The following OPCML variants were observed in gnomAD, a reference collection of about 807,000 sequenced individuals.
OPCML encodes the protein opioid binding protein/cell adhesion molecule like.
OPCML carries 13 observed loss-of-function variants against 37.8 expected under a neutral mutation model. The ratio of observed to expected loss-of-function variants is 0.34; its 90% CI spans 0.22 to 0.55. The LOEUF is 0.55. OPCML is among the 20% of genes least tolerant of loss of function. The probability of loss-of-function intolerance (pLI) is 0.91; values close to 1 mark genes in which losing one functional copy is unlikely to be tolerated. For synonymous variants in OPCML, 176 were observed against 168.8 expected (o/e 1.04, Z -0.33); for missense variants, 341 against 435.6 (o/e 0.78, Z 1.93).
intron 1 of OPCML, among the ~76,000 whole-genome samples, chr11:133,019,131 C>A (rs1195345007): frequency 6.6e-6 from 1 of 152,184 alleles, no homozygotes; most frequent in African/African-American, 2.4e-5. Context: ...GGACACATGA[C>A]ACCTGGCCTG....
chr11:132,523,982 G>A (rs930558400), intron 4 of OPCML, among the ~76,000 whole-genome samples: 4 of 152,310 alleles, frequency 2.6e-5, no homozygotes, highest in African/African-American at 9.6e-5. Flanking sequence ...GTGGAGGGGA[G>A]ACAGGAAGGA....
chr11:132,864,979 T>C (rs1298252618), intron 2 of OPCML, among the ~76,000 whole-genome samples: 1 of 152,234 alleles, frequency 6.6e-6, no homozygotes, highest in African/African-American at 2.4e-5. Context: ...AGCGAGCCCC[T>C]GGCTGCCACA....
In OPCML at chr11:132,425,101, T is replaced by C. The variant is rs561596140; in HGVS notation, c.917-4808A>G. ...CGGGCCCCAAGCCAACCTTGGGAAA[T>C]GTTGAAGTCGTTCATTCAACATATG... On this transcript the variant is annotated intron_variant, in intron 7 of 7. Coordinates refer to ENST00000524381, the MANE Select transcript of OPCML (RefSeq NM_001012393.5). 2.6e-5 allele frequency among the ~76,000 whole-genome samples: 4 copies of C among 152,310 alleles called. No homozygotes were observed. The South Asian group carries it at 8.3e-4, about 32-fold the overall frequency.
intron 1 of OPCML, among the ~76,000 whole-genome samples, chr11:133,097,513 A>G (rs1949021194): frequency 6.6e-6 from 1 of 152,198 alleles, no homozygotes; most frequent in South Asian, 2.1e-4. Context: ...AATAAATAGT[A>G]CAATTAGAAC....
At chr11:132,793,565 A>C (rs1938085341) in intron 2 of OPCML, among the ~76,000 whole-genome samples, 1 of 152,136 alleles carries the variant, frequency 6.6e-6, no homozygotes, top group Non-Finnish European at 1.5e-5. Flanking sequence ...GGCCAGAGAG[A>C]TACAATCCCT....
rs189461304 is a variant in OPCML at position 132,711,920 on chromosome 11, G to A, written c.147-54601C>T. The stretch of plus-strand genomic sequence containing the variant: ...TGGTATACACAAGGATTAACTTAAG[G>A]AGCAAATATTCAACTAAATAGAAAC... On this transcript the variant is annotated intron_variant, in intron 2 of 7. Transcript: ENST00000524381. Among the ~76,000 whole-genome samples, 89 of 152,226 alleles carry A rather than the reference G, an allele frequency of 5.8e-4. 3 individuals carry two copies. Among genetic ancestry groups the A allele is most frequent in the Admixed American group, 5.8e-3 (89 of 15,290 alleles).
intron 1 of OPCML, among the ~76,000 whole-genome samples, chr11:133,001,269 C>T (rs1286539677): frequency 6.6e-6 from 1 of 152,180 alleles, no homozygotes; most frequent in Non-Finnish European, 1.5e-5. Context: ...CACATGCCTA[C>T]ATGCATAGGT....
At chr11:132,886,344 T>C (rs1591755547) in intron 2 of OPCML, among the ~76,000 whole-genome samples, 1 of 152,188 alleles carries the variant, frequency 6.6e-6, no homozygotes, top group South Asian at 2.1e-4. Context: ...GAATTTGGCC[T>C]GGGTGGGGGC....
chr11:132,750,455 A>G (rs904586865), intron 2 of OPCML, among the ~76,000 whole-genome samples: 3 of 152,144 alleles, frequency 2.0e-5, no homozygotes, highest in Non-Finnish European at 4.4e-5. Context: ...GTGGCTGTCC[A>G]TTCCAAATAA....
rs182400376 is a variant in OPCML, at chr11:133,009,903, A to G, written c.62-66893T>C. Among the ~76,000 whole-genome samples the G allele has an allele frequency of 9.2e-5, 14 of 152,306 alleles. No individual in the cohort carries two copies. The East Asian group carries it at 2.3e-3, about 25-fold the overall frequency. ...GAGGTTGGGGACCCCTGGGATATCTACTGTCTTCAGTTCTAGATGCCATTA... is the reference window on the plus strand; with the variant it reads ...GAGGTTGGGGACCCCTGGGATATCTGCTGTCTTCAGTTCTAGATGCCATTA... On this transcript the variant is annotated intron_variant, in intron 1 of 7. Transcript: ENST00000524381.
chr11:133,088,347 A>G (rs893680128), intron 1 of OPCML, among the ~76,000 whole-genome samples: 3 of 152,214 alleles, frequency 2.0e-5, no homozygotes, highest in Admixed American at 6.5e-5. Flanking sequence ...CATCATTTCC[A>G]TAAGCCACCA....
intron 1 of OPCML, among the ~76,000 whole-genome samples, chr11:133,236,117 T>C (rs373307700): frequency 7.9e-4 from 120 of 152,254 alleles, no homozygotes; most frequent in African/African-American, 2.4e-3. Context: ...ATGATGACCA[T>C]ATGACAGCAT....
chr11:133,198,759 T>G (rs1468707372), intron 1 of OPCML, among the ~76,000 whole-genome samples: 1 of 152,222 alleles, frequency 6.6e-6, no homozygotes, highest in Non-Finnish European at 1.5e-5. Flanking sequence ...CTGTGTCAGG[T>G]AGCAGACATG....
intron 7 of OPCML, among the ~76,000 whole-genome samples, chr11:132,430,928 T>G (rs2095994689): frequency 6.6e-6 from 1 of 152,214 alleles, no homozygotes; most frequent in East Asian, 1.9e-4. Context: ...TGGGGCTTCT[T>G]GCTCAAGGCC....
intron 1 of OPCML, among the ~76,000 whole-genome samples, chr11:133,507,715 C>A (rs1037609268): frequency 6.6e-6 from 1 of 152,012 alleles, no homozygotes. Flanking sequence ...GAGGCCGAGG[C>A]GGGCGGACCA....
chr11:133,073,679 G>A (rs1373421724), intron 1 of OPCML, among the ~76,000 whole-genome samples: 3 of 152,186 alleles, frequency 2.0e-5, no homozygotes, highest in Non-Finnish European at 4.4e-5. Flanking sequence ...TAGCAAATGC[G>A]AAGTCACCGT....
chr11:132,717,283 T>C (rs1368555185), intron 2 of OPCML, among the ~76,000 whole-genome samples: 5 of 151,248 alleles, frequency 3.3e-5, no homozygotes, highest in Admixed American at 6.6e-5. Flanking sequence ...AATACCAGAA[T>C]TTTTTTTTAA....
At chr11:132,691,670 A>G (rs1441415912) in intron 2 of OPCML, among the ~76,000 whole-genome samples, 1 of 152,168 alleles carries the variant, frequency 6.6e-6, no homozygotes, top group Non-Finnish European at 1.5e-5. Flanking sequence ...TCATCCTGTT[A>G]GCAAATTGGA....
At chr11:133,329,110 G>A (rs1943554572) in intron 1 of OPCML, among the ~76,000 whole-genome samples, 1 of 152,044 alleles carries the variant, frequency 6.6e-6, no homozygotes. Flanking sequence ...AAAATATCTA[G>A]GAATCCAACT....
Sources: allele counts gnomAD v4.1 joint callset (sites outside exome capture counted in the v4.1 genomes callset), GRCh38; gene constraint gnomAD v4.1.1; transcripts MANE v1.5; gene names NCBI Gene and HGNC (gene_info 2026-07-23, HGNC 2026-07-21).